The following UGT2B15 variants were observed in gnomAD, a reference collection of about 807,000 sequenced individuals.
UGT2B15 encodes UDP-glucuronosyltransferase 2B15.
In UGT2B15, 36 loss-of-function variants were observed where a neutral mutation model predicts 45.9. The observed-to-expected ratio is 0.78, with a 90% CI of 0.60 to 1.04. The LOEUF (loss-of-function observed/expected upper bound fraction) is 1.04. Among genes scored for constraint, UGT2B15 ranks in the 50% least tolerant of loss-of-function variants. The probability of loss-of-function intolerance (pLI) is 0.00; values close to 1 mark genes in which losing one functional copy is unlikely to be tolerated. For synonymous variants in UGT2B15, 219 were observed against 216.4 expected, an observed-to-expected ratio of 1.01 and a Z score of -0.11; for missense variants, 617 against 622.4, an observed-to-expected ratio of 0.99 and a Z score of 0.09.
At chr4:68,666,357 A>G (rs1475650233) in intron 2 of UGT2B15, among the ~76,000 whole-genome samples, 1 of 152,254 alleles carries the variant, frequency 6.6e-6, no homozygotes, top group African/African-American at 2.4e-5. Flanking sequence ...GAAGACTGAT[A>G]TCTTAAATGG....
At chr4:68,648,480 C>T (rs544044117) in intron 5 of UGT2B15, among the ~76,000 whole-genome samples, 2 of 152,186 alleles carry the variant, frequency 1.3e-5, no homozygotes, top group East Asian at 3.9e-4. Flanking sequence ...CTTTTCCTGG[C>T]CACACTATAG....
intron 2 of UGT2B15, 34 bp downstream of exon 2, chr4:68,668,006 G>T (rs764746578): frequency 7.5e-6 from 12 of 1,609,884 alleles, no homozygotes; most frequent in Non-Finnish European, 1.0e-5. Flanking sequence ...TTCTGAAAAT[G>T]TCAAGCAAAC....
At chr4:68,652,130 T>C (rs1732673732) in intron 5 of UGT2B15, among the ~76,000 whole-genome samples, 1 of 151,998 alleles carries the variant, frequency 6.6e-6, no homozygotes, top group Non-Finnish European at 1.5e-5. Flanking sequence ...ATTCTCTTTG[T>C]TGCAATTGTG....
In UGT2B15 at chr4:68,647,155, C is replaced by T. The variant is rs1732501502; in HGVS notation, c.1542G>A (p.Leu514=). 1.9e-6 allele frequency: 3 copies of T among 1,613,770 alleles called. No individual in the cohort carries two copies. The highest frequency in any genetic ancestry group is 2.5e-6 in the Non-Finnish European group (3 of 1,179,810). The change falls in exon 6 of 6, where the codon CTG becomes CTA. Residue 514 remains leucine (L), a synonymous_variant. Transcript: ENST00000338206. ...TVIFIITKFC[L]FCFRKLAKKG... ...TTTTGGCAAGCTTTCGGAAACAAAACAGGCAAAATTTTGTGATGATAAATA... is the reference window on the plus strand; with the variant it reads ...TTTTGGCAAGCTTTCGGAAACAAAATAGGCAAAATTTTGTGATGATAAATA...
At chr4:68,662,046 A>C (rs5029386) in intron 3 of UGT2B15, among the ~76,000 whole-genome samples, 1 of 151,530 alleles carries the variant, frequency 6.6e-6, no homozygotes, top group Admixed American at 6.6e-5. Context: ...ACAAGTGTTG[A>C]CCTTGTATTT....
At position 68,647,052 on chromosome 4, in the gene UGT2B15, A is replaced by G; in HGVS notation, c.*52T>C. 2 of 1,561,496 alleles carry G rather than the reference A, an allele frequency of 1.3e-6. No homozygotes were observed. Among genetic ancestry groups the G allele is most frequent in the Non-Finnish European group, 1.7e-6 (2 of 1,153,516 alleles). On this transcript the variant is annotated 3_prime_UTR_variant, in exon 6 of 6. Coordinates refer to ENST00000338206, the MANE Select transcript of UGT2B15 (RefSeq NM_001076.4). ...TCCATTTAAAACCCTCCATGCTGAA[A>G]TAAAGGAGGAGTCCCATCTTTCAGT... is the stretch of plus-strand genomic sequence containing the variant.
chr4:68,669,122 A>C (rs1733226863), intron 1 of UGT2B15, among the ~76,000 whole-genome samples: 1 of 151,968 alleles, frequency 6.6e-6, no homozygotes, highest in Non-Finnish European at 1.5e-5. Context: ...GGTTCATCTT[A>C]AGATCTTAAT....
intron 3 of UGT2B15, among the ~76,000 whole-genome samples, chr4:68,662,314 G>T (rs1259680022): frequency 1.3e-5 from 2 of 151,692 alleles, no homozygotes; most frequent in African/African-American, 4.8e-5. Flanking sequence ...CTAAAAGCAG[G>T]ATTCTATCTC....
At chr4:68,668,333 C>T in intron 1 of UGT2B15, 145 bp from the exon 2 acceptor site, 22 of 1,143,358 alleles carry the variant, frequency 1.9e-5, no homozygotes, top group Non-Finnish European at 2.4e-5. Context: ...TATATAAATA[C>T]ATTTATATAT....
At chr4:68,659,174 T>C (rs981559051) in intron 3 of UGT2B15, among the ~76,000 whole-genome samples, 23 of 152,042 alleles carry the variant, frequency 1.5e-4, no homozygotes, top group Non-Finnish European at 4.4e-5. Context: ...TTAGGGCTTA[T>C]TGTTTGGCAA....
Position 68,668,630 on chromosome 4 carries a change from T to C in UGT2B15, c.725-442A>G, listed in dbSNP as rs563017525. 1.7e-3 allele frequency among the ~76,000 whole-genome samples: 254 copies of C among 147,944 alleles called. 2 individuals carry two copies. The highest frequency in any genetic ancestry group is 6.0e-3 in the African/African-American group (241 of 40,446). ...ATTCCTCCATGCTGTTCTCATGATA[T>C]TGAGTGAGCTCTCATGAGATCTGAT... is the stretch of plus-strand genomic sequence containing the variant. On this transcript the variant is annotated intron_variant, in intron 1 of 5. Transcript: ENST00000338206.
At position 68,670,591 on chromosome 4, in the gene UGT2B15, G is replaced by A; in HGVS notation, c.28C>T (p.Leu10=). MSLKWTSVF[L]LIQLSCYFSS... Reference sequence around the variant, plus strand: ...AAGTAACAACTGAGCTGTATCAGCAGAAAGACTGACGTCCATTTCAGAGAC... The same window carrying A: ...AAGTAACAACTGAGCTGTATCAGCAAAAAGACTGACGTCCATTTCAGAGAC... The change falls in exon 1 of 6, where the codon CTG becomes TTG. Residue 10 remains leucine, a synonymous_variant. Transcript: ENST00000338206. 1 of 1,586,204 alleles carries A rather than the reference G, an allele frequency of 6.3e-7. No homozygotes were observed. Among genetic ancestry groups the A allele is most frequent in the Middle Eastern group, 1.7e-4 (1 of 5,944 alleles).
chr4:68,652,003 G>A (rs746831982), intron 5 of UGT2B15, among the ~76,000 whole-genome samples: 1 of 152,084 alleles, frequency 6.6e-6, no homozygotes, highest in Non-Finnish European at 1.5e-5. Context: ...TTTTATCCAT[G>A]AGGATGGAAT....
intron 3 of UGT2B15, among the ~76,000 whole-genome samples, chr4:68,662,213 T>C (rs5017548): frequency 1.3e-5 from 2 of 152,070 alleles, no homozygotes; most frequent in Non-Finnish European, 1.5e-5. Flanking sequence ...ATTTATATTT[T>C]CTGCTCCTTC....
intron 5 of UGT2B15, among the ~76,000 whole-genome samples, chr4:68,652,730 T>A (rs1732692243): frequency 1.4e-5 from 2 of 141,422 alleles, no homozygotes. Context: ...AAAAAAAAAA[T>A]CTATCTGTCC....
At position 68,668,339 on chromosome 4, in the gene UGT2B15, T is replaced by C; in HGVS notation, c.725-151A>G. The C allele has an allele frequency of 3.5e-6, 4 of 1,148,208 alleles. No homozygotes were observed. In the South Asian group the frequency reaches 7.4e-5, roughly 21 times the overall value. 71.1% of individuals were successfully genotyped at this position (1,148,208 alleles called of 1,614,324 possible). ...GATAAAATATATATAAATACATTTATATATAGTCATAATTTAGATTTTATT... is the reference window on the plus strand; with the variant it reads ...GATAAAATATATATAAATACATTTACATATAGTCATAATTTAGATTTTATT... On this transcript the variant is annotated intron_variant, in intron 1 of 5. Transcript: ENST00000338206.
At chr4:68,651,001 T>TG (rs1386006463) in intron 5 of UGT2B15, among the ~76,000 whole-genome samples, 5 of 150,616 alleles carry the variant, frequency 3.3e-5, no homozygotes, top group East Asian at 1.9e-4. Context: ...TGTTGTTTTT[T>TG]TTTTTTTTTT....
chr4:68,653,893 G>A (rs2109823156), intron 5 of UGT2B15, 144 bp downstream of exon 5: 1 of 1,059,586 alleles, frequency 9.4e-7, no homozygotes, highest in South Asian at 2.0e-5. Flanking sequence ...TAAACTGTCT[G>A]GTGGAAAGTA....
chr4:68,653,963 C>A, intron 5 of UGT2B15, 74 bp downstream of exon 5: 3 of 1,566,778 alleles, frequency 1.9e-6, no homozygotes, highest in African/African-American at 1.4e-5. Context: ...CTCTTAAAAA[C>A]GGGTTAAAAT....
Sources: allele counts gnomAD v4.1 joint callset (sites outside exome capture counted in the v4.1 genomes callset), GRCh38; gene constraint gnomAD v4.1.1; transcripts MANE v1.5; gene names NCBI Gene and HGNC (gene_info 2026-07-23, HGNC 2026-07-21).